Variants in EHMT1 observed in about 807,000 individuals in gnomAD.
EHMT1 encodes euchromatic histone lysine methyltransferase 1.
In EHMT1, 15 loss-of-function variants were observed where a neutral mutation model predicts 147.2. That is an observed-to-expected ratio of 0.10 (90% CI 0.07 to 0.16). EHMT1 has a LOEUF of 0.16. Ranked by LOEUF, EHMT1 falls within the 10% of genes least tolerant of loss-of-function variation. The pLI, the probability that EHMT1 is intolerant of heterozygous loss-of-function variation, is 1.00. For synonymous variants in EHMT1, 795 were observed against 709.6 expected (o/e 1.12, Z -1.91); for missense variants, 1,587 against 1,772.4 (o/e 0.90, Z 1.88).
At chr9:137,826,820 C>T (rs1027754896) in intron 25 of EHMT1, among the ~76,000 whole-genome samples, 2 of 152,200 alleles carry the variant, frequency 1.3e-5, no homozygotes, top group Admixed American at 6.5e-5. Flanking sequence ...CACCTAGGGC[C>T]GCACCTCCCA....
At chr9:137,823,443 GCT>G (rs1955591785) in intron 25 of EHMT1, 1 of 340,254 alleles carries the variant, frequency 2.9e-6, no homozygotes, top group African/African-American at 2.8e-5. Context: ...ACGGAGTCTG[GCT>G]CTGTCACCCA....
chr9:137,792,117 G>A (rs1432135444), intron 16 of EHMT1: 1 of 470,182 alleles, frequency 2.1e-6, no homozygotes, highest in South Asian at 1.6e-5. Flanking sequence ...AAACAATTTT[G>A]TGAAAGAACA....
At chr9:137,717,357 CT>C in intron 3 of EHMT1, 175 bp downstream of exon 3, 1 of 835,978 alleles carries the variant, frequency 1.2e-6, no homozygotes, top group Non-Finnish European at 1.9e-6. Flanking sequence ...TATCGCAGCA[CT>C]TTGGGAGGCT....
At position 137,728,420 on chromosome 9, in the gene EHMT1, C is replaced by G. The variant is rs1946815652; in HGVS notation, c.714C>G (p.Asn238Lys). The G allele has an allele frequency of 1.9e-6, 3 of 1,614,208 alleles. No individual in the cohort carries two copies. The highest frequency in any genetic ancestry group is 2.7e-5 in the African/African-American group (2 of 75,066). ...RDHKEPKEEI[N>K]KNISDFGRQQ... is the part of the protein sequence containing the mutation. ...ATAAGGAACCAAAAGAGGAGATCAA[C>G]AAAAACATTTCTGACTTTGGACGAC... Residue 238 changes from asparagine to lysine, a missense_variant, in exon 4 of 27, where the codon AAC becomes AAG. Around this residue, in one of 7 missense-constraint regions of EHMT1, gnomAD observed 810 missense variants for 673.0 expected, o/e 1.20. Transcript: ENST00000460843.
At position 137,814,053 on chromosome 9, in the gene EHMT1, C is replaced by T. The variant is rs1375546657; in HGVS notation, c.3181-378C>T. Among the ~76,000 whole-genome samples, 5 of 78,576 alleles carry T rather than the reference C, an allele frequency of 6.4e-5. No homozygotes were observed. The South Asian group carries it at 1.9e-3, about 30-fold the overall frequency. The allele number at this position is 78,576 out of a possible 152,430, so 51.5% of individuals were successfully genotyped here. A position where few individuals can be genotyped will look rare whatever the true frequency, so the allele number is the denominator to read the frequency against. ...TCCTCTTCCCAGGCCGGGCACTGCC[C>T]AGGCCCCCCCCCCCCCCCGCCCCCC... is the stretch of plus-strand genomic sequence containing the variant. On this transcript the variant is annotated intron_variant, in intron 21 of 26. Transcript: ENST00000460843.
chr9:137,725,437 A>G (rs1323002842), intron 3 of EHMT1, among the ~76,000 whole-genome samples: 4 of 152,186 alleles, frequency 2.6e-5, no homozygotes, highest in Non-Finnish European at 1.5e-5. Context: ...TCGGGGAAAA[A>G]GTAAGGGCAT....
intron 1 of EHMT1, among the ~76,000 whole-genome samples, chr9:137,642,135 C>T (rs954882264): frequency 5.3e-5 from 8 of 152,100 alleles, no homozygotes; most frequent in South Asian, 2.1e-4. Flanking sequence ...CCACTGCGCC[C>T]GGCCCCAAAT....
intron 2 of EHMT1, among the ~76,000 whole-genome samples, chr9:137,712,335 C>G (rs1306045302): frequency 6.6e-6 from 1 of 152,242 alleles, no homozygotes; most frequent in Non-Finnish European, 1.5e-5. Flanking sequence ...CCCTTACACA[C>G]TGCCGCTGAG....
chr9:137,658,716 G>A (rs1938750920), intron 1 of EHMT1, among the ~76,000 whole-genome samples: 2 of 151,840 alleles, frequency 1.3e-5, no homozygotes, highest in African/African-American at 4.8e-5. Flanking sequence ...AGGCTCAAGC[G>A]ATTTTCCCAC....
chr9:137,692,247 TTTTCTTTCTTTC>T, intron 1 of EHMT1, among the ~76,000 whole-genome samples: 1 of 148,296 alleles, frequency 6.7e-6, no homozygotes, highest in East Asian at 1.9e-4. Flanking sequence ...CTTTTTTTTC[TTTTCTTTCTTTC>T]TTTCTTTCTT....
At chr9:137,692,270 T>TCTTTTG (rs1437364774) in intron 1 of EHMT1, among the ~76,000 whole-genome samples, 1 of 148,710 alleles carries the variant, frequency 6.7e-6, no homozygotes, top group African/African-American at 2.5e-5. Context: ...TTTCTTTCTT[T>TCTTTTG]TTTTTTTTTT....
intron 1 of EHMT1, among the ~76,000 whole-genome samples, chr9:137,636,312 T>C (rs1310060941): frequency 1.3e-5 from 2 of 152,198 alleles, no homozygotes; most frequent in Non-Finnish European, 2.9e-5. Flanking sequence ...TTTTTTTTGG[T>C]GTGGATTCCT....
intron 16 of EHMT1, chr9:137,792,300 A>T (rs192517543): frequency 1.6e-4 from 53 of 321,408 alleles, no homozygotes; most frequent in African/African-American, 1.1e-3. Context: ...GGTTACAAAG[A>T]CCATTCAATG....
chr9:137,788,165 G>T, intron 15 of EHMT1: 1 of 802,530 alleles, frequency 1.2e-6, no homozygotes, highest in African/African-American at 1.7e-5. Context: ...TCTCCCCACT[G>T]CACCCCGTAC....
At chr9:137,623,332 G>A (rs576788372) in intron 1 of EHMT1, among the ~76,000 whole-genome samples, 1 of 152,022 alleles carries the variant, frequency 6.6e-6, no homozygotes, top group African/African-American at 2.4e-5. Context: ...TTCCCTCCTG[G>A]TGATGGAACA....
At chr9:137,827,985 G>T (rs1183339613) in intron 25 of EHMT1, among the ~76,000 whole-genome samples, 1 of 152,214 alleles carries the variant, frequency 6.6e-6, no homozygotes, top group Non-Finnish European at 1.5e-5. Context: ...GCTAGGGGAG[G>T]CCGTGCCCCT....
At chr9:137,669,217 T>G (rs1053067287) in intron 1 of EHMT1, among the ~76,000 whole-genome samples, 1 of 152,032 alleles carries the variant, frequency 6.6e-6, no homozygotes. Flanking sequence ...ATCCTTCATG[T>G]CTCGTCTTCC....
intron 4 of EHMT1, among the ~76,000 whole-genome samples, chr9:137,736,718 C>A (rs1399953332): frequency 6.6e-6 from 1 of 152,130 alleles, no homozygotes; most frequent in Non-Finnish European, 1.5e-5. Flanking sequence ...TGGTGAAACC[C>A]CATCTCTACT....
At chr9:137,712,449 C>T (rs534659948) in intron 2 of EHMT1, among the ~76,000 whole-genome samples, 145 of 152,314 alleles carry the variant, frequency 9.5e-4, no homozygotes, top group Non-Finnish European at 1.6e-3. Flanking sequence ...TCCACGTCCT[C>T]GCCACCATTT....
Sources: allele counts gnomAD v4.1 joint callset (sites outside exome capture counted in the v4.1 genomes callset), GRCh38; gene constraint gnomAD v4.1.1; regional missense constraint gnomAD v4.1.1; transcripts MANE v1.5; gene names NCBI Gene and HGNC (gene_info 2026-07-23, HGNC 2026-07-21).